STK3: variants seen among roughly 807,000 people sequenced by gnomAD.
The protein encoded by STK3 is serine/threonine kinase 3.
Under a neutral mutation model 58.0 loss-of-function variants are expected in STK3, and 41 were observed. That is an observed-to-expected ratio of 0.71 (90% confidence interval 0.55 to 0.92). The LOEUF is 0.92. Among genes scored for constraint, STK3 ranks in the 40% least tolerant of loss-of-function variants. STK3 has a pLI of 0.00. For missense variants in STK3, 479 were observed against 602.7 expected (o/e 0.79, Z 2.15); for synonymous variants, 170 against 191.0 (o/e 0.89, Z 0.91).
At chr8:98,375,312 G>A (rs1343295743) in intron 2 of STK3, among the ~76,000 whole-genome samples, 2 of 151,346 alleles carry the variant, frequency 1.3e-5, no homozygotes, top group Non-Finnish European at 1.5e-5. Context: ...CTTAGCTAGT[G>A]CAATAAGACA....
the STK3 span, among the ~76,000 whole-genome samples, chr8:98,359,527 A>AT: frequency 7.1e-6 from 1 of 141,706 alleles, no homozygotes; most frequent in Non-Finnish European, 1.5e-5. Flanking sequence ...TGGCTCAAAA[A>AT]AAAAAAAAAG....
At chr8:98,786,941 C>T (rs974055691) in intron 1 of STK3, among the ~76,000 whole-genome samples, 10 of 151,914 alleles carry the variant, frequency 6.6e-5, no homozygotes, top group African/African-American at 9.7e-5. Flanking sequence ...GAGGCCAAGA[C>T]GGGCAGATCA....
At chr8:98,577,216 G>A (rs2131714767) in intron 8 of STK3, among the ~76,000 whole-genome samples, 1 of 152,338 alleles carries the variant, frequency 6.6e-6, no homozygotes, top group African/African-American at 2.4e-5. Context: ...GCCGGGCGCA[G>A]TGGCTCATGC....
intron 10 of STK3, among the ~76,000 whole-genome samples, chr8:98,508,908 G>C (rs955337289): frequency 1.3e-5 from 2 of 151,988 alleles, no homozygotes; most frequent in African/African-American, 2.4e-5. Flanking sequence ...ATTTAGGAAA[G>C]GTCAAGGTAA....
chr8:98,635,953 C>T (rs1450722729), intron 6 of STK3, among the ~76,000 whole-genome samples: 2 of 152,126 alleles, frequency 1.3e-5, no homozygotes, highest in South Asian at 2.1e-4. Context: ...CATGAGGCAT[C>T]GTCTAACCAT....
intron 8 of STK3, among the ~76,000 whole-genome samples, chr8:98,560,768 C>CA (rs932381334): frequency 1.3e-5 from 2 of 152,140 alleles, no homozygotes; most frequent in African/African-American, 4.8e-5. Flanking sequence ...AGAAGAGGCT[C>CA]ACACCTGTAA....
chr8:98,869,584 T>C (rs1415990837), intron 3 of STK3, among the ~76,000 whole-genome samples: 2 of 151,996 alleles, frequency 1.3e-5, no homozygotes. Flanking sequence ...GAGGTAGAGA[T>C]TAAAGTTATG....
At chr8:98,710,221 A>C (rs527555187) in intron 4 of STK3, among the ~76,000 whole-genome samples, 2 of 152,322 alleles carry the variant, frequency 1.3e-5, no homozygotes, top group Non-Finnish European at 2.9e-5. Flanking sequence ...TGAGCATTGC[A>C]GAAGACACAT....
At chr8:98,801,853 T>C (rs1019016801) in intron 1 of STK3, among the ~76,000 whole-genome samples, 1 of 152,126 alleles carries the variant, frequency 6.6e-6, no homozygotes, top group African/African-American at 2.4e-5. Context: ...TTGTTGTATC[T>C]CATTTTTGTT....
intron 1 of STK3, among the ~76,000 whole-genome samples, chr8:98,902,133 C>G (rs900680849): frequency 7.2e-5 from 11 of 152,170 alleles, no homozygotes; most frequent in Non-Finnish European, 7.3e-5. Context: ...CCTCCTTCGT[C>G]TGCCATTTCT....
chr8:98,494,679 A>AAAAG (rs1554602972), intron 10 of STK3, among the ~76,000 whole-genome samples: 11 of 150,464 alleles, frequency 7.3e-5, no homozygotes, highest in Non-Finnish European at 1.6e-4. Context: ...AAAAAAAAAA[A>AAAAG]AGAGAGAGAG....
chr8:98,878,078 A>C (rs1359913719), intron 3 of STK3, among the ~76,000 whole-genome samples: 1 of 135,984 alleles, frequency 7.4e-6, no homozygotes, highest in East Asian at 2.1e-4. Context: ...TTTTTTTTTG[A>C]GTCTTGCTCT....
chr8:98,389,734 T>C (rs1433544471), upstream of STK3, among the ~76,000 whole-genome samples: 1 of 149,958 alleles, frequency 6.7e-6, no homozygotes, highest in Non-Finnish European at 1.5e-5. Flanking sequence ...CTCTGATTGG[T>C]CTGGCTTGAT....
intron 8 of STK3, among the ~76,000 whole-genome samples, chr8:98,578,691 T>G (rs1005663203): frequency 6.6e-6 from 1 of 152,230 alleles, no homozygotes; most frequent in African/African-American, 2.4e-5. Context: ...GAGAACATAC[T>G]GTTACGAAAT....
the STK3 span, among the ~76,000 whole-genome samples, chr8:98,352,234 G>T: frequency 2.0e-5 from 3 of 151,918 alleles, no homozygotes; most frequent in African/African-American, 4.8e-5. Flanking sequence ...GAACATTTTG[G>T]CTTCAACAAC....
chr8:98,610,375 G>A (rs574364722), intron 6 of STK3, among the ~76,000 whole-genome samples: 17 of 152,288 alleles, frequency 1.1e-4, no homozygotes, highest in African/African-American at 3.1e-4. Flanking sequence ...ACACCATGAA[G>A]TACTATTAGA....
At position 98,583,377 on chromosome 8, in the gene STK3, T is replaced by C. The variant is rs568015390; in HGVS notation, c.823-3588A>G. Among the ~76,000 whole-genome samples, 9 of 152,200 alleles carry C rather than the reference T, an allele frequency of 5.9e-5. No homozygotes were observed. In the South Asian group the frequency reaches 8.3e-4, roughly 14 times the overall value. On this transcript the variant is annotated intron_variant, in intron 7 of 10. Transcript: ENST00000419617. ...ATCAGAATTTCTAAGAATGTTGCCATAGAATCTGCATTTTAGCATTTCTTT... is the reference window on the plus strand; with the variant it reads ...ATCAGAATTTCTAAGAATGTTGCCACAGAATCTGCATTTTAGCATTTCTTT...
chr8:98,789,837 C>A (rs561391373), intron 1 of STK3, among the ~76,000 whole-genome samples: 13 of 151,860 alleles, frequency 8.6e-5, no homozygotes, highest in African/African-American at 2.9e-4. Flanking sequence ...GACCAGCCTG[C>A]CCAACATGGT....
chr8:98,832,806 CAG>C (rs1835588541), intron 3 of STK3, among the ~76,000 whole-genome samples: 1 of 152,146 alleles, frequency 6.6e-6, no homozygotes, highest in African/African-American at 2.4e-5. Context: ...TCCCTCCCCT[CAG>C]AGGACAAATA....
Sources: gnomAD v4.1 joint callset for allele counts (sites outside exome capture counted in the v4.1 genomes callset) on GRCh38, gnomAD v4.1.1 for gene constraint, MANE v1.5 for transcripts, NCBI Gene and HGNC (gene_info 2026-07-23, HGNC 2026-07-21) for gene names.